RAB38: variants seen among roughly 807,000 people sequenced by gnomAD.
RAB38 encodes ras-related protein Rab-38.
RAB38 carries 15 observed loss-of-function variants against 18.4 expected under a neutral mutation model. The ratio of observed to expected loss-of-function variants is 0.82; its 90% CI spans 0.55 to 1.26. The LOEUF is 1.26. Among genes scored for constraint, RAB38 ranks in the 50% most tolerant of loss-of-function variants. The pLI is 0.00. For synonymous variants in RAB38, 101 were observed against 104.4 expected (o/e 0.97, Z 0.20); for missense variants, 294 against 267.4 (o/e 1.10, Z -0.69).
chr11:87,920,485 T>C, the RAB38 span, among the ~76,000 whole-genome samples: 2 of 152,090 alleles, frequency 1.3e-5, no homozygotes, highest in African/African-American at 4.8e-5. Context: ...TTTTAGACCA[T>C]TGTGGTCAGG....
chr11:87,975,550 T>C, the RAB38 span, among the ~76,000 whole-genome samples: 1 of 151,918 alleles, frequency 6.6e-6, no homozygotes, highest in Non-Finnish European at 1.5e-5. Context: ...AGACTATGTA[T>C]GTTTTTTCTT....
chr11:88,102,465 C>T, the RAB38 span, among the ~76,000 whole-genome samples: 3 of 152,032 alleles, frequency 2.0e-5, no homozygotes, highest in East Asian at 5.8e-4. Flanking sequence ...AAGGAAAAAG[C>T]TCAGGAATTG....
At chr11:87,896,937 G>A in the RAB38 span, among the ~76,000 whole-genome samples, 1 of 151,596 alleles carries the variant, frequency 6.6e-6, no homozygotes, top group African/African-American at 2.4e-5. Flanking sequence ...AGGCACTGGA[G>A]TGTTTCATTA....
the RAB38 span, among the ~76,000 whole-genome samples, chr11:88,026,874 T>A: frequency 6.6e-6 from 1 of 152,132 alleles, no homozygotes; most frequent in African/African-American, 2.4e-5. Context: ...AAATATATAA[T>A]CTGAATCAAA....
the RAB38 span, among the ~76,000 whole-genome samples, chr11:88,037,115 G>T: frequency 6.6e-6 from 1 of 152,012 alleles, no homozygotes; most frequent in Non-Finnish European, 1.5e-5. Context: ...TTTTGAGCAG[G>T]TAGTTGTTTG....
At chr11:87,947,873 G>A in the RAB38 span, among the ~76,000 whole-genome samples, 7,970 of 152,238 alleles carry the variant, frequency 0.052, 282 homozygotes, top group East Asian at 0.15. Flanking sequence ...ACTTGGCAAT[G>A]CAGTCTCTTT....
At chr11:87,937,147 C>T in the RAB38 span, among the ~76,000 whole-genome samples, 2 of 151,400 alleles carry the variant, frequency 1.3e-5, no homozygotes, top group East Asian at 1.9e-4. Context: ...ACTTTTCTGA[C>T]ATTATTATCT....
At chr11:87,856,783 A>G in the RAB38 span, among the ~76,000 whole-genome samples, 2 of 152,150 alleles carry the variant, frequency 1.3e-5, no homozygotes, top group Non-Finnish European at 2.9e-5. Context: ...GTACTTGTAA[A>G]TGAAATAAAG....
intron 2 of RAB38, among the ~76,000 whole-genome samples, chr11:88,142,525 T>C (rs1175152505): frequency 2.0e-5 from 3 of 152,212 alleles, no homozygotes; most frequent in Non-Finnish European, 4.4e-5. Flanking sequence ...TAGGTATCTG[T>C]AGAAAAATGT....
At chr11:87,872,428 CA>C in the RAB38 span, among the ~76,000 whole-genome samples, 1 of 151,556 alleles carries the variant, frequency 6.6e-6, no homozygotes, top group African/African-American at 2.4e-5. Flanking sequence ...ACATTTGTTA[CA>C]ACTGATACCA....
chr11:87,893,172 C>T, the RAB38 span, among the ~76,000 whole-genome samples: 1 of 151,198 alleles, frequency 6.6e-6, no homozygotes, highest in Non-Finnish European at 1.5e-5. Flanking sequence ...GTACTTTTCT[C>T]TCACCAAAGA....
the RAB38 span, among the ~76,000 whole-genome samples, chr11:88,048,072 T>C: frequency 6.6e-6 from 1 of 152,186 alleles, no homozygotes; most frequent in East Asian, 1.9e-4. Context: ...TCTGCAATTC[T>C]ACTACTCCTC....
the RAB38 span, among the ~76,000 whole-genome samples, chr11:88,010,982 G>C: frequency 6.6e-6 from 1 of 152,062 alleles, no homozygotes; most frequent in African/African-American, 2.4e-5. Flanking sequence ...AACCCCTTCT[G>C]CCTCCACCTT....
the RAB38 span, among the ~76,000 whole-genome samples, chr11:88,104,526 C>T: frequency 2.2e-4 from 33 of 152,048 alleles, no homozygotes; most frequent in African/African-American, 8.0e-4. Context: ...GCTATGTGAA[C>T]CTTGAAATAG....
chr11:88,106,595 A>G, the RAB38 span, among the ~76,000 whole-genome samples: 86 of 152,278 alleles, frequency 5.6e-4, no homozygotes, highest in African/African-American at 2.0e-3. Flanking sequence ...ATTTAGGTAT[A>G]TACTGCCTGT....
chr11:87,937,900 T>C, the RAB38 span, among the ~76,000 whole-genome samples: 1 of 149,888 alleles, frequency 6.7e-6, no homozygotes, highest in Non-Finnish European at 1.5e-5. Context: ...TTATCATGTA[T>C]GCTTTACAAT....
chr11:87,897,985 C>A, the RAB38 span, among the ~76,000 whole-genome samples: 1 of 151,498 alleles, frequency 6.6e-6, no homozygotes. Flanking sequence ...TAAGGATGGG[C>A]TCTATAAATA....
chr11:87,868,827 C>T, the RAB38 span, among the ~76,000 whole-genome samples: 13 of 151,666 alleles, frequency 8.6e-5, no homozygotes, highest in South Asian at 2.5e-3. Context: ...GTGTTGCCTC[C>T]TTCTCAGGAG....
At chr11:87,935,577 A>T in the RAB38 span, among the ~76,000 whole-genome samples, 3 of 152,038 alleles carry the variant, frequency 2.0e-5, no homozygotes, top group African/African-American at 7.2e-5. Flanking sequence ...ATTCACATGA[A>T]GTTGTAAGAA....
Sources: gnomAD v4.1 joint callset for allele counts (sites outside exome capture counted in the v4.1 genomes callset) on GRCh38, gnomAD v4.1.1 for gene constraint, MANE v1.5 for transcripts, NCBI Gene and HGNC (gene_info 2026-07-23, HGNC 2026-07-21) for gene names.